Variants in DBF4 observed in about 807,000 individuals in gnomAD.
DBF4 encodes the protein protein DBF4 homolog A.
A neutral mutation model predicts 76.6 loss-of-function variants in DBF4; 25 were observed. The observed-to-expected ratio is 0.33, with a 90% CI of 0.24 to 0.46. The LOEUF is 0.46. Ranked by LOEUF, DBF4 falls within the 20% of genes least tolerant of loss-of-function variation. The pLI is 1.00. For missense variants in DBF4, 638 were observed against 760.8 expected, an observed-to-expected ratio of 0.84 and a Z score of 1.90; for synonymous variants, 213 against 258.0, an observed-to-expected ratio of 0.83 and a Z score of 1.67.
chr7:87,896,548 A>G lies in DBF4; in HGVS notation c.634+38A>G, dbSNP rs551580647. ...TGATCTTTAAGTGTATTTGGTTTGC[A>G]TTTGAAAAATCATAAAAGATCTTCT... On this transcript the variant is annotated intron_variant, in intron 7 of 11. Coordinates refer to ENST00000265728, the MANE Select transcript of DBF4 (RefSeq NM_006716.4). 4.8e-5 allele frequency: 76 copies of G among 1,576,390 alleles called. 1 individual carries two copies. In the South Asian group the frequency reaches 7.4e-4, roughly 15 times the overall value.
At chr7:87,883,341 A>G (rs1839262775) in intron 2 of DBF4, among the ~76,000 whole-genome samples, 1 of 152,152 alleles carries the variant, frequency 6.6e-6, no homozygotes, top group African/African-American at 2.4e-5. Flanking sequence ...AGTTATAGAA[A>G]TGTTTTAGTA....
intron 1 of DBF4, 139 bp downstream of exon 1, chr7:87,876,917 C>A: frequency 1.1e-6 from 1 of 906,442 alleles, no homozygotes. Context: ...AAGGAAGGAG[C>A]CCCCGTTCAG....
Position 87,896,369 on chromosome 7 carries a change from G to A in DBF4, c.598-105G>A, listed in dbSNP as rs149218440. On this transcript the variant is annotated intron_variant, in intron 6 of 11. Coordinates refer to ENST00000265728, the MANE Select transcript of DBF4 (RefSeq NM_006716.4). The stretch of plus-strand genomic sequence containing the variant: ...CAAAGAATAATCCTTCTTTGATATA[G>A]CACTTTTCTGCATGATTTTTTTATC... 2.1e-4 allele frequency: 173 copies of A among 817,978 alleles called. No individual in the cohort carries two copies. The African/African-American group carries it at 2.6e-3, about 12-fold the overall frequency. 50.7% of individuals were successfully genotyped at this position (817,978 alleles called of 1,614,324 possible). A position where few individuals can be genotyped will look rare whatever the true frequency, so the allele number is the denominator to read the frequency against.
At chr7:87,893,675 A>G (rs983538685) in intron 6 of DBF4, among the ~76,000 whole-genome samples, 1 of 152,182 alleles carries the variant, frequency 6.6e-6, no homozygotes, top group Non-Finnish European at 1.5e-5. Flanking sequence ...TAGTATTTAC[A>G]TAGTACTTTT....
At chr7:87,878,651 T>G (rs1839130691) in intron 2 of DBF4, 1 of 154,750 alleles carries the variant, frequency 6.5e-6, no homozygotes, top group Admixed American at 6.5e-5. Context: ...GATACAGATG[T>G]TGTTTCAACA....
In DBF4 at chr7:87,909,036, A is replaced by T. The variant is rs989979983; in HGVS notation, c.*873A>T. On this transcript the variant is annotated 3_prime_UTR_variant, in exon 12 of 12. Coordinates refer to ENST00000265728, the MANE Select transcript of DBF4 (RefSeq NM_006716.4). Reference sequence around the variant, plus strand: ...GGTTGCAGTGAGCCAAGATTGTGCCACTGTATTCCAGACTGGGTGACAGAG... The same window carrying T: ...GGTTGCAGTGAGCCAAGATTGTGCCTCTGTATTCCAGACTGGGTGACAGAG... 1 of 152,156 alleles carries T rather than the reference A, an allele frequency of 6.6e-6. No homozygotes were observed. The highest frequency in any genetic ancestry group is 2.4e-5 in the African/African-American group (1 of 41,428). The allele number at this position is 152,156 out of a possible 1,614,324, so 9.4% of individuals were successfully genotyped here. A position where few individuals can be genotyped will look rare whatever the true frequency, so the allele number is the denominator to read the frequency against.
chr7:87,908,173 A>G lies in DBF4; in HGVS notation c.*10A>G, dbSNP rs780624405. The G allele has an allele frequency of 9.1e-6, 14 of 1,537,762 alleles. No individual in the cohort carries two copies. The Admixed American group carries it at 2.9e-4, about 31-fold the overall frequency. On this transcript the variant is annotated 3_prime_UTR_variant, in exon 12 of 12. Transcript: ENST00000265728. Reference sequence around the variant, plus strand: ...ATTTACTGGCTTTTAGAATTTAAAAAATGCATACTTTTCAGAAGTGATAAG... The same window carrying G: ...ATTTACTGGCTTTTAGAATTTAAAAGATGCATACTTTTCAGAAGTGATAAG...
chr7:87,888,110 T>C, intron 6 of DBF4, 51 bp downstream of exon 6: 2 of 1,510,078 alleles, frequency 1.3e-6, no homozygotes, highest in Non-Finnish European at 1.8e-6. Context: ...TTTTTTTACT[T>C]ACGTATTTGC....
intron 9 of DBF4, 108 bp downstream of exon 9, chr7:87,900,457 T>G: frequency 3.1e-6 from 4 of 1,273,740 alleles, no homozygotes; most frequent in Non-Finnish European, 4.3e-6. Context: ...TATTTGTGTT[T>G]GTAATTACTA....
intron 2 of DBF4, among the ~76,000 whole-genome samples, chr7:87,883,142 C>T (rs1320052259): frequency 6.6e-6 from 1 of 151,758 alleles, no homozygotes; most frequent in African/African-American, 2.4e-5. Context: ...ATGGGTGAAC[C>T]ACAAAAAACG....
At chr7:87,904,183 A>G (rs907636372) in intron 10 of DBF4, 109 bp from the exon 11 acceptor site, 20 of 1,129,714 alleles carry the variant, frequency 1.8e-5, no homozygotes, top group Non-Finnish European at 2.4e-5. Context: ...TGGAGTAGTT[A>G]TTGGAAACCT....
At chr7:87,906,083 G>A (rs1839906174) in intron 11 of DBF4, among the ~76,000 whole-genome samples, 1 of 151,774 alleles carries the variant, frequency 6.6e-6, no homozygotes, top group East Asian at 1.9e-4. Flanking sequence ...ACTTGAACCC[G>A]AGAAGCAGAG....
Position 87,886,860 on chromosome 7 carries a change from GA to G in DBF4, c.420del (p.Lys140AsnfsTer3). The G allele has an allele frequency of 6.4e-7, 1 of 1,569,998 alleles. No homozygotes were observed. The highest frequency in any genetic ancestry group is 8.7e-7 in the Non-Finnish European group (1 of 1,146,812). ...KSPDTVCLSR[G>X]KLLVEKAIKD... is the part of the protein sequence containing the mutation. ...TTTTTATAGGTGTGTTTAAGCAGAGGAAAATTATTAGTTGAAAAAGCTATCA... is the reference window on the plus strand; with the variant it reads ...TTTTTATAGGTGTGTTTAAGCAGAGGAAATTATTAGTTGAAAAAGCTATCA... On this transcript the variant is annotated frameshift_variant, in exon 4 of 12. Transcript: ENST00000265728. LOFTEE classifies it high-confidence loss of function.
intron 11 of DBF4, among the ~76,000 whole-genome samples, chr7:87,905,063 G>A (rs1222521174): frequency 6.6e-6 from 1 of 152,158 alleles, no homozygotes; most frequent in Non-Finnish European, 1.5e-5. Context: ...AGATTCTCAT[G>A]CCTCAGCCTC....
At position 87,900,768 on chromosome 7, in the gene DBF4, C is replaced by G; in HGVS notation, c.814C>G (p.Gln272Glu). The G allele has an allele frequency of 6.2e-7, 1 of 1,610,952 alleles. No individual in the cohort carries two copies. The highest frequency in any genetic ancestry group is 8.5e-7 in the Non-Finnish European group (1 of 1,178,724). ...QKQTQVKLRI[Q>E]TDGDKYGGTS... ...ACCATGTATGTCTGTCATCAGAATC[C>G]AAACAGATGGCGATAAGTATGGTGG... The change falls in exon 10 of 12, where the codon CAA becomes GAA. Residue 272 changes from glutamine to glutamate, a missense_variant. By Grantham distance (29) the Gln-to-Glu change is conservative. Coordinates refer to ENST00000265728, the MANE Select transcript of DBF4 (RefSeq NM_006716.4).
chr7:87,896,328 CAA>C, intron 6 of DBF4, 144 bp from the exon 7 acceptor site: 1 of 639,278 alleles, frequency 1.6e-6, no homozygotes, highest in Non-Finnish European at 2.7e-6. Context: ...CATTTAAAAA[CAA>C]TAGTTTTTTT....
intron 6 of DBF4, among the ~76,000 whole-genome samples, chr7:87,895,864 C>T (rs762417434): frequency 4.6e-5 from 7 of 152,166 alleles, no homozygotes; most frequent in South Asian, 2.1e-4. Flanking sequence ...GAAAATAATA[C>T]AGGGATTCTC....
At chr7:87,893,807 T>G (rs1050707634) in intron 6 of DBF4, among the ~76,000 whole-genome samples, 6 of 152,266 alleles carry the variant, frequency 3.9e-5, no homozygotes, top group African/African-American at 1.4e-4. Context: ...ATACTTAATG[T>G]AACTATTGAT....
At chr7:87,905,438 T>C (rs1839893358) in intron 11 of DBF4, among the ~76,000 whole-genome samples, 1 of 152,092 alleles carries the variant, frequency 6.6e-6, no homozygotes, top group Non-Finnish European at 1.5e-5. Flanking sequence ...TTCCTCCACT[T>C]GCCCCTTAGG....
Sources: gnomAD v4.1 joint callset for allele counts (sites outside exome capture counted in the v4.1 genomes callset) on GRCh38, gnomAD v4.1.1 for gene constraint, MANE v1.5 for transcripts, NCBI Gene and HGNC (gene_info 2026-07-23, HGNC 2026-07-21) for gene names.